The following RHCE variants were observed in gnomAD, a reference collection of about 807,000 sequenced individuals.
RHCE encodes blood group Rh(CE) polypeptide.
In RHCE, 22 loss-of-function variants were observed where a neutral mutation model predicts 43.8. The observed-to-expected ratio is 0.50, with a 90% confidence interval of 0.36 to 0.72. The LOEUF is 0.72. Ranked by LOEUF, RHCE falls within the 30% of genes least tolerant of loss-of-function variation. The probability of loss-of-function intolerance (pLI) is 0.00; values close to 1 mark genes in which losing one functional copy is unlikely to be tolerated. For missense variants in RHCE, 385 were observed against 525.4 expected, an observed-to-expected ratio of 0.73 and a Z score of 2.61; for synonymous variants, 156 against 210.7, an observed-to-expected ratio of 0.74 and a Z score of 2.25.
At chr1:25,384,343 C>T (rs1163415857) in intron 7 of RHCE, among the ~76,000 whole-genome samples, 1 of 151,882 alleles carries the variant, frequency 6.6e-6, no homozygotes, top group African/African-American at 2.4e-5. Flanking sequence ...GCCTGGGTCC[C>T]TGCACTGTGA....
At chr1:25,412,892 C>T (rs1365187046) in intron 1 of RHCE, among the ~76,000 whole-genome samples, 5 of 151,846 alleles carry the variant, frequency 3.3e-5, no homozygotes, top group East Asian at 1.9e-4. Context: ...GGCATGGTGG[C>T]GCATGCCTGT....
chr1:25,424,206 C>T (rs1451218792), upstream of RHCE, among the ~76,000 whole-genome samples: 3 of 152,250 alleles, frequency 2.0e-5, no homozygotes, highest in East Asian at 1.9e-4. Context: ...TATGATGTTC[C>T]GTAGGTTAGG....
intron 1 of RHCE, among the ~76,000 whole-genome samples, chr1:25,414,489 C>T (rs1447627477): frequency 6.6e-6 from 1 of 152,072 alleles, no homozygotes; most frequent in Non-Finnish European, 1.5e-5. Context: ...GACTCTCACC[C>T]CTCCAGCAGC....
At chr1:25,381,331 G>A (rs1295877088) in intron 7 of RHCE, among the ~76,000 whole-genome samples, 1 of 152,120 alleles carries the variant, frequency 6.6e-6, no homozygotes, top group Non-Finnish European at 1.5e-5. Flanking sequence ...ATTTCTATCA[G>A]CATTCTGATC....
At chr1:25,424,202 G>A (rs2042788303), upstream of RHCE, among the ~76,000 whole-genome samples, 1 of 152,198 alleles carries the variant, frequency 6.6e-6, no homozygotes, top group South Asian at 2.1e-4. Context: ...AAGCTATGAT[G>A]TTCCGTAGGT....
chr1:25,411,784 G>A (rs1214448563), intron 1 of RHCE, among the ~76,000 whole-genome samples: 2 of 152,170 alleles, frequency 1.3e-5, no homozygotes, highest in Non-Finnish European at 2.9e-5. Flanking sequence ...TGTATATGAA[G>A]GTGCAGTGCA....
chr1:25,417,596 C>T (rs1287303339), intron 1 of RHCE, among the ~76,000 whole-genome samples: 23 of 152,060 alleles, frequency 1.5e-4, no homozygotes, highest in Non-Finnish European at 1.2e-4. Flanking sequence ...CATCCACTAT[C>T]GTCAACTGTA....
In RHCE at chr1:25,408,823, G is replaced by A. The variant is rs1646990491; in HGVS notation, c.195C>T (p.Leu65=). ...AGCTGTGTCTCCGGAAATTTGAGGT[G>A]AGGAAGCCCAAGCCAAGGGCCGCCA... is the stretch of plus-strand genomic sequence containing the variant. ...TVMAALGLGF[L]TSNFRRHSWS... Residue 65 remains leucine, a synonymous_variant, in exon 2 of 10, where the codon CTC becomes CTT. Coordinates refer to ENST00000294413, the MANE Select transcript of RHCE (RefSeq NM_020485.8). 2 of 1,283,336 alleles carry A rather than the reference G, an allele frequency of 1.6e-6. 1 individual carries two copies. Among genetic ancestry groups the A allele is most frequent in the Non-Finnish European group, 2.1e-6 (2 of 963,016 alleles). 79.5% of individuals were successfully genotyped at this position (1,283,336 alleles called of 1,614,324 possible). A position where few individuals can be genotyped will look rare whatever the true frequency, so the allele number is the denominator to read the frequency against.
intron 1 of RHCE, among the ~76,000 whole-genome samples, chr1:25,417,329 A>C (rs1323013228): frequency 6.6e-6 from 1 of 152,168 alleles, no homozygotes; most frequent in Non-Finnish European, 1.5e-5. Flanking sequence ...GTGGATTGAC[A>C]GATTAAGTTA....
intron 1 of RHCE, among the ~76,000 whole-genome samples, chr1:25,429,432 C>T (rs1010930775): frequency 6.6e-6 from 1 of 152,052 alleles, no homozygotes; most frequent in Admixed American, 6.5e-5. Flanking sequence ...GGATTACAGG[C>T]GTGAGCCACC....
chr1:25,430,070 G>A (rs905246864), exon 1 of RHCE: 1 of 151,880 alleles, frequency 6.6e-6, no homozygotes, highest in Non-Finnish European at 1.5e-5. Flanking sequence ...GCCCGGCCCG[G>A]AGGCCGATGC....
intron 1 of RHCE, among the ~76,000 whole-genome samples, chr1:25,412,715 TAAAAAAAAAA>T (rs1165784820): frequency 8.6e-6 from 1 of 116,590 alleles, no homozygotes; most frequent in South Asian, 3.3e-4. Flanking sequence ...ACCCTTTTTT[TAAAAAAAAAA>T]AAAAAAAAAA....
Position 25,388,976 on chromosome 1 carries a change from C to T in RHCE, c.939G>A (p.Pro313=), listed in dbSNP as rs754703211. 7 of 1,614,100 alleles carry T rather than the reference C, an allele frequency of 4.3e-6. No individual in the cohort carries two copies. The highest frequency in any genetic ancestry group is 2.7e-5 in the African/African-American group (2 of 74,954). ...LISIGGAKCL[P]VCCNRVLGIH... is the part of the protein sequence containing the mutation. ...GAGCATTAGTTGTCTAGTTTCTTAC[C>T]GGCAGGCACTTGGCTCCCCCGATGG... is the stretch of plus-strand genomic sequence containing the variant. Residue 313 remains proline (P), a splice_region_variant and synonymous_variant, in exon 6 of 10, where the codon CCG becomes CCA. Coordinates refer to ENST00000294413, the MANE Select transcript of RHCE (RefSeq NM_020485.8).
chr1:25,416,392 T>C (rs989009577), intron 1 of RHCE, among the ~76,000 whole-genome samples: 31 of 151,948 alleles, frequency 2.0e-4, no homozygotes. Context: ...GCCTCCCAAG[T>C]AGCTGGGACT....
At chr1:25,411,693 G>T (rs1482022058) in intron 1 of RHCE, among the ~76,000 whole-genome samples, 1 of 152,130 alleles carries the variant, frequency 6.6e-6, no homozygotes, top group Non-Finnish European at 1.5e-5. Context: ...CTTAGGAATG[G>T]GGGTGTGTGA....
chr1:25,379,475 ATATATATATATATATATATAT>A (rs1408469391), intron 7 of RHCE, among the ~76,000 whole-genome samples: 1 of 12,702 alleles, frequency 7.9e-5, no homozygotes, highest in Non-Finnish European at 2.2e-4. Context: ...ATATATATAT[ATATATATATATATATATATAT>A]TTTTTTTTTT....
chr1:25,411,203 A>T, intron 1 of RHCE: 1 of 1,059,824 alleles, frequency 9.4e-7, no homozygotes, highest in Non-Finnish European at 1.3e-6. Context: ...GAATAAGGGT[A>T]ATTAGAGCCA....
intron 8 of RHCE, among the ~76,000 whole-genome samples, chr1:25,373,550 C>A (rs1425093479): frequency 6.6e-6 from 1 of 151,778 alleles, no homozygotes; most frequent in African/African-American, 2.4e-5. Context: ...ATCTCACACT[C>A]AAAAATTACC....
chr1:25,385,001 A>T (rs1409482590), intron 7 of RHCE, among the ~76,000 whole-genome samples: 1 of 152,226 alleles, frequency 6.6e-6, no homozygotes, highest in African/African-American at 2.4e-5. Flanking sequence ...CTATCCCTAT[A>T]TCGTGCCCAA....
Sources: allele counts gnomAD v4.1 joint callset (sites outside exome capture counted in the v4.1 genomes callset), GRCh38; gene constraint gnomAD v4.1.1; transcripts MANE v1.5; gene names NCBI Gene and HGNC (gene_info 2026-07-23, HGNC 2026-07-21).